The following HUNK variants were observed in gnomAD, a reference collection of about 807,000 sequenced individuals.
The protein encoded by HUNK is hormonally up-regulated neu tumor-associated kinase.
HUNK carries 21 observed loss-of-function variants against 61.0 expected under a neutral mutation model. The ratio of observed to expected loss-of-function variants is 0.34; its 90% CI spans 0.24 to 0.50. HUNK has a LOEUF of 0.50. Among genes scored for constraint, HUNK ranks in the 20% least tolerant of loss-of-function variants. The probability of loss-of-function intolerance (pLI) is 0.98; values close to 1 mark genes in which losing one functional copy is unlikely to be tolerated. For synonymous variants in HUNK, 371 were observed against 386.1 expected, an observed-to-expected ratio of 0.96 and a Z score of 0.46; for missense variants, 772 against 945.7, an observed-to-expected ratio of 0.82 and a Z score of 2.41.
intron 5 of HUNK, among the ~76,000 whole-genome samples, chr21:31,961,387 G>A (rs374490793): frequency 2.0e-5 from 3 of 152,146 alleles, no homozygotes; most frequent in South Asian, 2.1e-4. Flanking sequence ...CTGAGAATAT[G>A]GTTTCATTTC....
At chr21:31,968,536 A>C in intron 6 of HUNK, 151 bp downstream of exon 6, 3 of 846,592 alleles carry the variant, frequency 3.5e-6, no homozygotes, top group Non-Finnish European at 5.4e-6. Context: ...CCACACCCAC[A>C]CATCCACAAG....
At chr21:31,989,478 C>T (rs2053156457) in intron 8 of HUNK, among the ~76,000 whole-genome samples, 1 of 152,090 alleles carries the variant, frequency 6.6e-6, no homozygotes, top group Non-Finnish European at 1.5e-5. Context: ...CTTTGGGAGG[C>T]CAAGATGGGT....
rs1032053994 is a variant in HUNK, at chr21:31,940,297, C to T, written c.610+77C>T. 12 of 834,286 alleles carry T rather than the reference C, an allele frequency of 1.4e-5. No homozygotes were observed. The African/African-American group carries it at 2.1e-4, about 15-fold the overall frequency. 51.7% of individuals were successfully genotyped at this position (834,286 alleles called of 1,614,324 possible). A position where few individuals can be genotyped will look rare whatever the true frequency, so the allele number is the denominator to read the frequency against. On this transcript the variant is annotated intron_variant, in intron 3 of 10. Coordinates refer to ENST00000270112, the MANE Select transcript of HUNK (RefSeq NM_014586.2). Reference sequence around the variant, plus strand: ...TCAGTTCTCAACTTTGAAAATTATCCATGGTCTATCTCTAATACCCAGACA... The same window carrying T: ...TCAGTTCTCAACTTTGAAAATTATCTATGGTCTATCTCTAATACCCAGACA...
chr21:31,927,020 T>G (rs1245162892), intron 2 of HUNK, among the ~76,000 whole-genome samples: 2 of 151,882 alleles, frequency 1.3e-5, no homozygotes, highest in Admixed American at 6.6e-5. Context: ...TCTTTTTTCT[T>G]TCTTATTTCT....
intron 7 of HUNK, among the ~76,000 whole-genome samples, chr21:31,976,415 A>G (rs2053049249): frequency 6.7e-6 from 1 of 148,832 alleles, no homozygotes; most frequent in Non-Finnish European, 1.5e-5. Context: ...CTGGACTTGA[A>G]GCTGTTTCTC....
In HUNK at chr21:32,001,056, G is replaced by C; in HGVS notation, c.*1872G>C. The C allele has an allele frequency of 4.5e-6, 1 of 221,022 alleles. No individual in the cohort carries two copies. 13.7% of individuals were successfully genotyped at this position (221,022 alleles called of 1,614,324 possible). A position where few individuals can be genotyped will look rare whatever the true frequency, so the allele number is the denominator to read the frequency against. ...GGAGGCCGAGGCAGGTGGATCGCTT[G>C]AGCTCAGGAGTTCGAGAGCAGCCTG... On this transcript the variant is annotated 3_prime_UTR_variant, in exon 11 of 11. Coordinates refer to ENST00000270112, the MANE Select transcript of HUNK (RefSeq NM_014586.2).
At chr21:31,981,028 T>A (rs1229025303) in intron 7 of HUNK, among the ~76,000 whole-genome samples, 2 of 152,234 alleles carry the variant, frequency 1.3e-5, no homozygotes, top group South Asian at 4.1e-4. Flanking sequence ...TCATTTTGAG[T>A]TGACTTTGCA....
chr21:31,961,776 G>A (rs751618081), intron 5 of HUNK, among the ~76,000 whole-genome samples: 31 of 152,224 alleles, frequency 2.0e-4, no homozygotes, highest in Non-Finnish European at 4.1e-4. Flanking sequence ...AAGGACAAAA[G>A]GAGGATGAAT....
chr21:31,947,842 T>C (rs993587438), intron 4 of HUNK, among the ~76,000 whole-genome samples: 10 of 152,152 alleles, frequency 6.6e-5, no homozygotes, highest in African/African-American at 2.4e-4. Context: ...AGGTTCTGAT[T>C]AAGATATAGA....
At chr21:31,995,334 C>T (rs1601414996) in intron 9 of HUNK, among the ~76,000 whole-genome samples, 1 of 152,216 alleles carries the variant, frequency 6.6e-6, no homozygotes, top group Non-Finnish European at 1.5e-5. Context: ...CTTGACTGCC[C>T]CAAATAGAAC....
chr21:31,992,202 A>G (rs1005065156), intron 9 of HUNK, among the ~76,000 whole-genome samples: 2 of 152,124 alleles, frequency 1.3e-5, no homozygotes, highest in African/African-American at 4.8e-5. Context: ...ATTGGCCATC[A>G]TACCCCCAGT....
At chr21:31,976,505 C>T (rs970549786) in intron 7 of HUNK, among the ~76,000 whole-genome samples, 6 of 111,320 alleles carry the variant, frequency 5.4e-5, no homozygotes, top group Admixed American at 1.4e-4. Flanking sequence ...CTTTCTCTGT[C>T]GCCTAGGCTG....
intron 1 of HUNK, among the ~76,000 whole-genome samples, chr21:31,904,740 T>C (rs2052493070): frequency 6.6e-6 from 1 of 152,208 alleles, no homozygotes; most frequent in Non-Finnish European, 1.5e-5. Context: ...CAAATTCACA[T>C]GTTGAAGCCT....
chr21:31,995,926 C>G lies in HUNK; in HGVS notation c.1464C>G (p.Ser488=), dbSNP rs1466571969. ...TKALLKDRKA[S]KSSFPDKDSF... is the part of the protein sequence containing the mutation. ...CCCTCCTGAAGGACCGGAAGGCCTCCAAGTCCAGCTTCCCCGACAAAGGTG... is the reference window on the plus strand; with the variant it reads ...CCCTCCTGAAGGACCGGAAGGCCTCGAAGTCCAGCTTCCCCGACAAAGGTG... The change falls in exon 10 of 11, where the codon TCC becomes TCG. Residue 488 remains serine (S), a synonymous_variant. Transcript: ENST00000270112. 7 of 1,613,432 alleles carry G rather than the reference C, an allele frequency of 4.3e-6. No individual in the cohort carries two copies. Among genetic ancestry groups the G allele is most frequent in the Non-Finnish European group, 5.9e-6 (7 of 1,179,708 alleles).
rs148503810 is a variant in HUNK at position 31,906,466 on chromosome 21, G to A, written c.262-18002G>A. Among the ~76,000 whole-genome samples, 332 of 152,136 alleles carry A rather than the reference G, an allele frequency of 2.2e-3. 4 individuals are homozygous for A. Among genetic ancestry groups the A allele is most frequent in the African/African-American group, 7.7e-3 (321 of 41,514 alleles). ...TTAATTGTTTTTGAGAGAGAATCTC[G>A]CTCTGTCGCCCAGGCTGGAATGCAG... On this transcript the variant is annotated intron_variant, in intron 1 of 10. Coordinates refer to ENST00000270112, the MANE Select transcript of HUNK (RefSeq NM_014586.2).
intron 6 of HUNK, among the ~76,000 whole-genome samples, chr21:31,969,471 A>G (rs2052994990): frequency 6.6e-6 from 1 of 152,244 alleles, no homozygotes; most frequent in Non-Finnish European, 1.5e-5. Context: ...GCTTGCAGAC[A>G]GGAACCCACA....
In HUNK at chr21:31,891,664, T is replaced by C. The variant is rs533605133; in HGVS notation, c.261+17729T>C. Among the ~76,000 whole-genome samples the C allele has an allele frequency of 5.3e-5, 8 of 152,362 alleles. No individual in the cohort carries two copies. The South Asian group carries it at 1.0e-3, about 20-fold the overall frequency. Reference sequence around the variant, plus strand: ...TTTAGCTAAACTTTATTTAACACTTTGTTATGTTGCGAATATTGTCTCCCA... The same window carrying C: ...TTTAGCTAAACTTTATTTAACACTTCGTTATGTTGCGAATATTGTCTCCCA... On this transcript the variant is annotated intron_variant, in intron 1 of 10. Transcript: ENST00000270112.
intron 6 of HUNK, among the ~76,000 whole-genome samples, chr21:31,972,592 T>A (rs1016076295): frequency 2.6e-5 from 4 of 152,210 alleles, no homozygotes; most frequent in Admixed American, 6.5e-5. Context: ...GCGGGTGCAC[T>A]GCTCTTGGGA....
intron 1 of HUNK, among the ~76,000 whole-genome samples, chr21:31,915,436 CAT>C (rs2052575311): frequency 6.6e-6 from 1 of 152,138 alleles, no homozygotes; most frequent in Admixed American, 6.5e-5. Context: ...TTATTTAAAA[CAT>C]GGTGTAAAAG....
Sources: allele counts gnomAD v4.1 joint callset (sites outside exome capture counted in the v4.1 genomes callset), GRCh38; gene constraint gnomAD v4.1.1; transcripts MANE v1.5; gene names NCBI Gene and HGNC (gene_info 2026-07-23, HGNC 2026-07-21).